HS1BP3: variants seen among roughly 807,000 people sequenced by gnomAD.
HS1BP3 encodes the protein HCLS1 binding protein 3.
HS1BP3 carries 32 observed loss-of-function variants against 33.5 expected under a neutral mutation model. That is an observed-to-expected ratio of 0.95 (90% CI 0.72 to 1.28). HS1BP3 has a LOEUF of 1.28. HS1BP3 is among the 50% of genes most tolerant of loss of function. HS1BP3 has a pLI of 0.00. For missense variants in HS1BP3, 486 were observed against 502.3 expected (o/e 0.97, Z 0.31); for synonymous variants, 187 against 209.2 (o/e 0.89, Z 0.92).
intron 5 of HS1BP3, among the ~76,000 whole-genome samples, chr2:20,579,359 C>T (rs1357400407): frequency 2.0e-5 from 3 of 152,228 alleles, no homozygotes; most frequent in African/African-American, 7.2e-5. Flanking sequence ...GTGAGCCTAC[C>T]GGGACTTCGA....
chr2:20,575,773 C>A (rs945650400), intron 5 of HS1BP3, among the ~76,000 whole-genome samples: 32 of 146,274 alleles, frequency 2.2e-4, no homozygotes, highest in Middle Eastern at 3.5e-3. Context: ...CCCCCCCCCC[C>A]CTTCAGGCTA....
chr2:20,580,505 C>T (rs1369900000), intron 5 of HS1BP3, among the ~76,000 whole-genome samples: 2 of 151,012 alleles, frequency 1.3e-5, no homozygotes, highest in Admixed American at 6.6e-5. Flanking sequence ...GGTGACAGAG[C>T]GAGACTCTGT....
rs4666443 is a variant in HS1BP3 at position 20,622,271 on chromosome 2, C to T, written c.920+1625G>A. The T allele has an allele frequency of 2.0e-3, 2,562 of 1,304,568 alleles. 86 individuals are homozygous for T. In the Admixed American group the frequency reaches 0.056, roughly 29 times the overall value. The allele number at this position is 1,304,568 out of a possible 1,614,324, so 80.8% of individuals were successfully genotyped here. A position where few individuals can be genotyped will look rare whatever the true frequency, so the allele number is the denominator to read the frequency against. On this transcript the variant is annotated intron_variant, in intron 6 of 6. Coordinates refer to ENST00000304031, the MANE Select transcript of HS1BP3 (RefSeq NM_022460.4). ...GCAGACACAAAGAATGAATGTGGTT[C>T]CTGCTCTCAAGAAGCTAATCCCAGT...
chr2:20,619,178 G>T lies in HS1BP3; in HGVS notation c.988C>A (p.Pro330Thr). ...GGCTTAGCTGCCACTGGTGGCTTGG[G>T]CTTAAGCTGGGGCTTGGGTTTGGGC... ...AEPKPKPQLK[P>T]KPPVAAKPVI... The change falls in exon 7 of 7, where the codon CCC becomes ACC. Residue 330 changes from proline to threonine, a missense_variant. Coordinates refer to ENST00000304031, the MANE Select transcript of HS1BP3 (RefSeq NM_022460.4). The T allele has an allele frequency of 1.2e-6, 2 of 1,614,092 alleles. No homozygotes were observed. Among genetic ancestry groups the T allele is most frequent in the Non-Finnish European group, 1.7e-6 (2 of 1,179,972 alleles).
intron 5 of HS1BP3, among the ~76,000 whole-genome samples, chr2:20,564,084 G>A (rs554138337): frequency 3.9e-5 from 6 of 152,344 alleles, no homozygotes; most frequent in South Asian, 2.1e-4. Context: ...CAGAGTGAAC[G>A]TGGGAACTGT....
At chr2:20,614,096 GGAGA>G (rs1694369697), downstream of HS1BP3, among the ~76,000 whole-genome samples, 1 of 152,134 alleles carries the variant, frequency 6.6e-6, no homozygotes, top group African/African-American at 2.4e-5. Flanking sequence ...CAGACACAGA[GGAGA>G]GAAACTCATA....
intron 4 of HS1BP3, among the ~76,000 whole-genome samples, chr2:20,625,622 G>T (rs982936342): frequency 1.2e-4 from 19 of 152,208 alleles, no homozygotes; most frequent in African/African-American, 4.6e-4. Context: ...CTTTCAGGAA[G>T]CCTCTCTGGG....
chr2:20,599,359 G>T (rs1464910169), intron 2 of HS1BP3, among the ~76,000 whole-genome samples: 1 of 152,258 alleles, frequency 6.6e-6, no homozygotes, highest in Non-Finnish European at 1.5e-5. Context: ...ACGGGTGCAC[G>T]CTGTCCCAGC....
At chr2:20,563,262 C>A (rs188786785) in intron 5 of HS1BP3, among the ~76,000 whole-genome samples, 62 of 152,318 alleles carry the variant, frequency 4.1e-4, no homozygotes, top group Non-Finnish European at 7.6e-4. Flanking sequence ...TCTAAGACAG[C>A]CTCCAGTGCA....
At chr2:20,613,507 G>A (rs1177464292), downstream of HS1BP3, among the ~76,000 whole-genome samples, 1 of 152,228 alleles carries the variant, frequency 6.6e-6, no homozygotes, top group East Asian at 1.9e-4. Context: ...AGGAAGGAAG[G>A]AAGGAACGCC....
At chr2:20,643,858 A>T (rs1213857632) in intron 2 of HS1BP3, among the ~76,000 whole-genome samples, 1 of 152,192 alleles carries the variant, frequency 6.6e-6, no homozygotes, top group Non-Finnish European at 1.5e-5. Flanking sequence ...GCTTGAGCCC[A>T]GGAGTTCCAG....
chr2:20,626,290 G>T (rs1286350401), intron 4 of HS1BP3, among the ~76,000 whole-genome samples: 1 of 152,248 alleles, frequency 6.6e-6, no homozygotes, highest in East Asian at 1.9e-4. Flanking sequence ...TGAAAGCCAG[G>T]AAGGCTCCCT....
intron 5 of HS1BP3, among the ~76,000 whole-genome samples, chr2:20,575,689 C>T (rs80070371): frequency 0.049 from 7,395 of 152,268 alleles, 170 homozygotes; most frequent in South Asian, 0.068. Flanking sequence ...TCCTTATCCA[C>T]GGGCCTGGCC....
downstream of HS1BP3, among the ~76,000 whole-genome samples, chr2:20,560,045 T>C (rs980418022): frequency 2.0e-5 from 3 of 152,160 alleles, no homozygotes; most frequent in African/African-American, 7.2e-5. Flanking sequence ...GAAGCCACCA[T>C]ACCTGCTCTC....
intron 2 of HS1BP3, among the ~76,000 whole-genome samples, chr2:20,609,294 C>G (rs1299416567): frequency 3.3e-5 from 5 of 152,188 alleles, no homozygotes; most frequent in Non-Finnish European, 7.4e-5. Flanking sequence ...CCACAGCAGC[C>G]TTCCTGCATC....
chr2:20,566,142 C>T (rs1693121391), intron 5 of HS1BP3, among the ~76,000 whole-genome samples: 2 of 152,240 alleles, frequency 1.3e-5, no homozygotes, highest in African/African-American at 2.4e-5. Context: ...ACCAGCTTTG[C>T]CCCATCCCGG....
intron 2 of HS1BP3, among the ~76,000 whole-genome samples, chr2:20,606,124 A>G (rs1694171678): frequency 6.6e-6 from 1 of 152,120 alleles, no homozygotes; most frequent in African/African-American, 2.4e-5. Flanking sequence ...TTTCTTTCAA[A>G]AAAAAAAAAT....
At chr2:20,615,282 T>C (rs1276283790), downstream of HS1BP3, among the ~76,000 whole-genome samples, 1 of 152,198 alleles carries the variant, frequency 6.6e-6, no homozygotes, top group Non-Finnish European at 1.5e-5. Context: ...ACCCTGGCCG[T>C]TTGTGCCCAC....
chr2:20,555,742 T>C (rs1198976133), downstream of HS1BP3, among the ~76,000 whole-genome samples: 1 of 152,088 alleles, frequency 6.6e-6, no homozygotes, highest in East Asian at 1.9e-4. Context: ...AGCTTAGCTC[T>C]TTTCCTTGTA....
Sources: gnomAD v4.1 joint callset for allele counts (sites outside exome capture counted in the v4.1 genomes callset) on GRCh38, gnomAD v4.1.1 for gene constraint, MANE v1.5 for transcripts, NCBI Gene and HGNC (gene_info 2026-07-23, HGNC 2026-07-21) for gene names.